MBTPS1: variants seen among roughly 807,000 people sequenced by gnomAD.
MBTPS1 encodes the protein membrane bound transcription factor peptidase, site 1, also known as membrane-bound transcription factor site-1 protease.
Under a neutral mutation model 127.8 loss-of-function variants are expected in MBTPS1, and 94 were observed. The observed-to-expected ratio is 0.74, with a 90% CI of 0.62 to 0.87. The LOEUF (loss-of-function observed/expected upper bound fraction) is 0.87. Among genes scored for constraint, MBTPS1 ranks in the 40% least tolerant of loss-of-function variants. MBTPS1 has a pLI of 0.00. For missense variants in MBTPS1, 1,636 were observed against 1,353.2 expected (o/e 1.21, Z -3.28); for synonymous variants, 632 against 509.4 (o/e 1.24, Z -3.24).
intron 10 of MBTPS1, among the ~76,000 whole-genome samples, chr16:84,083,059 C>G (rs1320989554): frequency 6.6e-6 from 1 of 152,246 alleles, no homozygotes; most frequent in African/African-American, 2.4e-5. Flanking sequence ...AACCCCTCGG[C>G]TGCCCGCTTA....
chr16:84,071,285 G>A (rs1000753150), intron 12 of MBTPS1, among the ~76,000 whole-genome samples: 22 of 152,318 alleles, frequency 1.4e-4, no homozygotes, highest in African/African-American at 4.3e-4. Context: ...TACCCTCCAG[G>A]TGGGAGAAAA....
At chr16:84,091,070 G>C in intron 7 of MBTPS1, 128 bp from the exon 8 acceptor site, 1 of 740,532 alleles carries the variant, frequency 1.4e-6, no homozygotes, top group Non-Finnish European at 2.3e-6. Context: ...CCATTATAAA[G>C]GCGGATGTGC....
At chr16:84,067,885 C>A in intron 15 of MBTPS1, 62 bp from the exon 16 acceptor site, 3 of 1,507,462 alleles carry the variant, frequency 2.0e-6, no homozygotes, top group Admixed American at 1.8e-5. Flanking sequence ...ACCACCACGG[C>A]AGAAACAGTG....
chr16:84,095,532 C>A, intron 4 of MBTPS1, 70 bp downstream of exon 4: 21 of 1,539,806 alleles, frequency 1.4e-5, no homozygotes, highest in Non-Finnish European at 1.8e-5. Flanking sequence ...CTGGACTTTC[C>A]GCGCCTTCCC....
chr16:84,068,686 C>A (rs555854849), intron 14 of MBTPS1, among the ~76,000 whole-genome samples: 1 of 152,312 alleles, frequency 6.6e-6, no homozygotes, highest in East Asian at 1.9e-4. Context: ...ATGAAAGAGA[C>A]AAAATGACCA....
At chr16:84,074,474 T>A in intron 12 of MBTPS1, 123 bp downstream of exon 12, 1 of 902,760 alleles carries the variant, frequency 1.1e-6, no homozygotes. Flanking sequence ...GCTCAAGTGA[T>A]CCTCTCTCCT....
At chr16:84,092,687 G>C (rs893939260) in intron 6 of MBTPS1, among the ~76,000 whole-genome samples, 12 of 152,112 alleles carry the variant, frequency 7.9e-5, no homozygotes, top group African/African-American at 2.9e-4. Context: ...CAAATACTAG[G>C]ACCCTCTCCC....
intron 22 of MBTPS1, among the ~76,000 whole-genome samples, 176 bp downstream of exon 22, chr16:84,055,829 G>A (rs1041563182): frequency 1.3e-5 from 2 of 152,194 alleles, no homozygotes; most frequent in Non-Finnish European, 2.9e-5. Context: ...AATCTGTCAG[G>A]CCTGCCCTTG....
chr16:84,077,454 T>C, intron 11 of MBTPS1, among the ~76,000 whole-genome samples: 1 of 151,992 alleles, frequency 6.6e-6, no homozygotes, highest in Non-Finnish European at 1.5e-5. Context: ...ATATGAAAAC[T>C]TAGTACATAA....
intron 1 of MBTPS1, among the ~76,000 whole-genome samples, chr16:84,106,593 AC>A (rs1463196732): frequency 4.6e-5 from 7 of 152,220 alleles, no homozygotes; most frequent in Admixed American, 3.9e-4. Context: ...ATCTGAGGAA[AC>A]CGGGAGACAG....
Position 84,068,322 on chromosome 16 carries a change from A to C in MBTPS1, c.2071+17T>G. 2 of 1,513,334 alleles carry C rather than the reference A, an allele frequency of 1.3e-6. No individual in the cohort carries two copies. The highest frequency in any genetic ancestry group is 1.8e-6 in the Non-Finnish European group (2 of 1,088,632). 93.7% of individuals were successfully genotyped at this position (1,513,334 alleles called of 1,614,324 possible). On this transcript the variant is annotated intron_variant, in intron 15 of 22. Transcript: ENST00000343411. ...TGGGCGGAAAGACCATCTGGCTAGC[A>C]CAGCAGTGCCACTTACCATACTGAC...
rs1174830895 is a variant in MBTPS1, at chr16:84,093,749, T to C, written c.698A>G (p.Glu233Gly). The change falls in exon 5 of 23, where the codon GAG becomes GGG. Residue 233 changes from glutamate to glycine, a missense_variant. Transcript: ENST00000343411. The stretch of plus-strand genomic sequence containing the variant: ...TCGCTCGTTGGTCCAGTTGGTTCTC[T>C]CCTTCACATTTTTGAAGTGGGGATG... ...EKHPHFKNVKERTNWTNERTL... is the reference protein window; with the variant it reads ...EKHPHFKNVKGRTNWTNERTL... 6.2e-7 allele frequency: 1 copy of C among 1,614,192 alleles called. No homozygotes were observed. The highest frequency in any genetic ancestry group is 8.5e-7 in the Non-Finnish European group (1 of 1,180,020).
intron 11 of MBTPS1, 36 bp from the exon 12 acceptor site, chr16:84,074,777 T>C (rs2085828441): frequency 6.3e-7 from 1 of 1,580,726 alleles, no homozygotes; most frequent in Admixed American, 1.8e-5. Context: ...GTAGATCATA[T>C]GAGAAAACTA....
At position 84,070,655 on chromosome 16, in the gene MBTPS1, G is replaced by A. The variant is rs141540308; in HGVS notation, c.1715C>T (p.Ala572Val). Residue 572 changes from alanine to valine, a missense_variant, in exon 13 of 23, where the codon GCG (alanine) becomes GTG (valine). Ala to Val is a moderately conservative substitution (Grantham distance 64, BLOSUM62 0). Coordinates refer to ENST00000343411, the MANE Select transcript of MBTPS1 (RefSeq NM_003791.4). Reference protein sequence around the residue: ...LAISISVTKKAASWEGIAQGH... With the variant: ...LAISISVTKKVASWEGIAQGH... ...CTGAGCAATGCCTTCCCAGGAAGCC[G>A]CTTTCTTGGTCACAGAAATGGAGAT... 8.1e-6 allele frequency: 13 copies of A among 1,613,838 alleles called. No individual in the cohort carries two copies. Among genetic ancestry groups the A allele is most frequent in the Admixed American group, 5.0e-5 (3 of 60,006 alleles).
Position 84,063,306 on chromosome 16 carries a change from C to T in MBTPS1, c.2571G>A (p.Lys857=), listed in dbSNP as rs151124229. 1,289 of 1,607,850 alleles carry T rather than the reference C, an allele frequency of 8.0e-4. 13 individuals carry two copies. The highest frequency in any genetic ancestry group is 5.0e-4 in the Admixed American group (30 of 59,762). Residue 857 remains lysine, a splice_region_variant and synonymous_variant, in exon 19 of 23, where the codon AAG becomes AAA. Transcript: ENST00000343411. Reference sequence around the variant, plus strand: ...AAAGTCCATCTGCGTTTTTCCTACCCTTCTGTCGGTGACTGTCATCCAAGC... The same window carrying T: ...AAAGTCCATCTGCGTTTTTCCTACCTTTCTGTCGGTGACTGTCATCCAAGC... ...SNCLDDSHRQ[K]DCFWLLDALL...
At chr16:84,069,081 G>A (rs528097887) in intron 14 of MBTPS1, among the ~76,000 whole-genome samples, 40 of 152,326 alleles carry the variant, frequency 2.6e-4, no homozygotes, top group African/African-American at 8.9e-4. Flanking sequence ...TCTGGTCTGA[G>A]CCCCTCCAAT....
intron 11 of MBTPS1, chr16:84,081,390 G>C (rs1443674312): frequency 6.2e-6 from 1 of 160,724 alleles, no homozygotes; most frequent in Non-Finnish European, 1.4e-5. Flanking sequence ...ATCTGAAATG[G>C]TGGCATCAGG....
intron 6 of MBTPS1, among the ~76,000 whole-genome samples, chr16:84,092,860 T>G (rs2086128388): frequency 6.6e-6 from 1 of 152,192 alleles, no homozygotes; most frequent in African/African-American, 2.4e-5. Context: ...AATTGTTCTG[T>G]TCTATCATGC....
At chr16:84,092,724 G>A (rs934954204) in intron 6 of MBTPS1, among the ~76,000 whole-genome samples, 2 of 152,212 alleles carry the variant, frequency 1.3e-5, no homozygotes, top group Admixed American at 6.5e-5. Flanking sequence ...AATGAAGAGT[G>A]AAGGAACAAG....
Sources: allele counts gnomAD v4.1 joint callset (sites outside exome capture counted in the v4.1 genomes callset), GRCh38; gene constraint gnomAD v4.1.1; transcripts MANE v1.5; gene names NCBI Gene and HGNC (gene_info 2026-07-23, HGNC 2026-07-21).